Variants in RTKN2 observed in about 807,000 individuals in gnomAD.
RTKN2 encodes rhotekin-2.
RTKN2 carries 69 observed loss-of-function variants against 71.5 expected under a neutral mutation model. That is an observed-to-expected ratio of 0.96 (90% CI 0.79 to 1.18). The LOEUF is 1.18. Ranked by LOEUF, RTKN2 falls within the 50% of genes most tolerant of loss-of-function variation. The pLI, the probability that RTKN2 is intolerant of heterozygous loss-of-function variation, is 0.00. For missense variants in RTKN2, 724 were observed against 719.7 expected (o/e 1.01, Z -0.07); for synonymous variants, 236 against 236.5 (o/e 1.00, Z 0.02).
chr10:62,223,285 C>G lies in RTKN2; in HGVS notation c.734G>C (p.Ser245Thr), dbSNP rs899645857. ...ATGGGTCTTGAAACTATCCTCAGCA[C>G]TTTCCAAGGTTAGGGTAGTGTGAGC... Reference protein sequence around the residue: ...LLAHTTLTLESAEDSFKTHNL... With the variant: ...LLAHTTLTLETAEDSFKTHNL... The change falls in exon 7 of 12, where the codon AGT becomes ACT. Residue 245 changes from serine (S) to threonine (T), a missense_variant. Ser to Thr is a moderately conservative substitution (Grantham distance 58). Transcript: ENST00000373789. The G allele has an allele frequency of 2.5e-6, 4 of 1,611,002 alleles. No individual in the cohort carries two copies. The African/African-American group carries it at 4.0e-5, about 16-fold the overall frequency.
intron 1 of RTKN2, 126 bp downstream of exon 1, chr10:62,268,425 T>C: frequency 1.1e-6 from 1 of 944,904 alleles, no homozygotes; most frequent in East Asian, 2.6e-5. Flanking sequence ...CCTCCCTTTG[T>C]TTCTGGCCAC....
intron 9 of RTKN2, among the ~76,000 whole-genome samples, chr10:62,213,871 T>G (rs930164555): frequency 8.5e-5 from 13 of 152,202 alleles, no homozygotes; most frequent in African/African-American, 3.1e-4. Context: ...CAAAAATTAC[T>G]TTAAAAGGAA....
intron 4 of RTKN2, among the ~76,000 whole-genome samples, chr10:62,240,268 A>G (rs1286478698): frequency 6.6e-6 from 1 of 151,928 alleles, no homozygotes; most frequent in Non-Finnish European, 1.5e-5. Context: ...AAAAAAAACA[A>G]AACAATAAAA....
chr10:62,266,188 G>C (rs2133117722), intron 1 of RTKN2, among the ~76,000 whole-genome samples: 1 of 152,272 alleles, frequency 6.6e-6, no homozygotes, highest in South Asian at 2.1e-4. Context: ...GAATGAAATA[G>C]GAGCATACCT....
intron 9 of RTKN2, among the ~76,000 whole-genome samples, chr10:62,210,298 A>G (rs566939732): frequency 9.1e-4 from 139 of 152,308 alleles, no homozygotes; most frequent in African/African-American, 3.2e-3. Context: ...AAGTGTGACA[A>G]TTGGAATATT....
chr10:62,203,241 C>A (rs1261409625), intron 10 of RTKN2, among the ~76,000 whole-genome samples: 2 of 152,090 alleles, frequency 1.3e-5, no homozygotes, highest in Non-Finnish European at 2.9e-5. Context: ...AAGACGGATT[C>A]TCTAAGACAG....
chr10:62,194,767 C>A lies in RTKN2; in HGVS notation c.*3141G>T. On this transcript the variant is annotated 3_prime_UTR_variant, in exon 12 of 12. Transcript: ENST00000373789. ...ATACTTGACTGCTTAACCTACCTTA[C>A]GTGAGGTATCTCTAATTCAAGACAG... 3.0e-6 allele frequency: 3 copies of A among 985,252 alleles called. No individual in the cohort carries two copies. Among genetic ancestry groups the A allele is most frequent in the Non-Finnish European group, 3.6e-6 (3 of 829,810 alleles). The allele number at this position is 985,252 out of a possible 1,614,324, so 61.0% of individuals were successfully genotyped here.
intron 9 of RTKN2, chr10:62,215,160 A>T: frequency 1.0e-6 from 1 of 966,046 alleles, no homozygotes; most frequent in Non-Finnish European, 1.5e-6. Flanking sequence ...ATAAAATATA[A>T]GAAAAAAATT....
In RTKN2 at chr10:62,204,861, A is replaced by G; in HGVS notation, c.1182T>C (p.Asp394=). 6.4e-7 allele frequency: 1 copy of G among 1,567,598 alleles called. No individual in the cohort carries two copies. Among genetic ancestry groups the G allele is most frequent in the Non-Finnish European group, 8.6e-7 (1 of 1,163,962 alleles). ...WMEAFWQHFF[D]LSQWKHCCEE... ...AAAATCCAAATATCTATTTACTAAGATCAAAGAAATGCTGCCAGAAGGCTT... is the reference window on the plus strand; with the variant it reads ...AAAATCCAAATATCTATTTACTAAGGTCAAAGAAATGCTGCCAGAAGGCTT... The change falls in exon 10 of 12, where the codon GAT becomes GAC. Residue 394 remains aspartate, a synonymous_variant. Transcript: ENST00000373789.
intron 10 of RTKN2, among the ~76,000 whole-genome samples, chr10:62,203,229 A>G (rs1230242991): frequency 6.6e-6 from 1 of 152,238 alleles, no homozygotes; most frequent in Non-Finnish European, 1.5e-5. Context: ...ATAGTCATTT[A>G]TAAGACGGAT....
downstream of RTKN2, among the ~76,000 whole-genome samples, chr10:62,188,616 CCAAT>C (rs1437744808): frequency 1.3e-5 from 2 of 152,110 alleles, no homozygotes; most frequent in African/African-American, 2.4e-5. Flanking sequence ...TCCGCGGAGC[CCAAT>C]CAATCTTACG....
chr10:62,185,668 G>T (rs1448266834), intron 8 of RTKN2, among the ~76,000 whole-genome samples: 1 of 152,110 alleles, frequency 6.6e-6, no homozygotes, highest in Non-Finnish European at 1.5e-5. Context: ...TTCAAATCAT[G>T]GTGAGACATC....
chr10:62,242,184 ATACT>A (rs1842390181), intron 3 of RTKN2, among the ~76,000 whole-genome samples: 1 of 152,016 alleles, frequency 6.6e-6, no homozygotes, highest in Admixed American at 6.6e-5. Context: ...CCTTTATAAT[ATACT>A]TACTAATTTG....
intron 1 of RTKN2, among the ~76,000 whole-genome samples, chr10:62,263,712 AAG>A (rs1242055972): frequency 2.0e-5 from 3 of 152,228 alleles, no homozygotes; most frequent in African/African-American, 7.2e-5. Flanking sequence ...TCTCAGAAGC[AAG>A]AGAGTGAAAG....
At chr10:62,206,282 G>C (rs1841547589) in intron 9 of RTKN2, among the ~76,000 whole-genome samples, 1 of 152,124 alleles carries the variant, frequency 6.6e-6, no homozygotes, top group African/African-American at 2.4e-5. Flanking sequence ...AGTAATAAAG[G>C]CTGATTAAGA....
chr10:62,228,552 G>A (rs760246542), intron 6 of RTKN2, among the ~76,000 whole-genome samples: 2 of 152,124 alleles, frequency 1.3e-5, no homozygotes, highest in Non-Finnish European at 2.9e-5. Context: ...TTTCCATGAA[G>A]GATAGTTATG....
intron 1 of RTKN2, among the ~76,000 whole-genome samples, chr10:62,267,464 G>A (rs2133121573): frequency 6.6e-6 from 1 of 152,224 alleles, no homozygotes; most frequent in East Asian, 1.9e-4. Context: ...GACAGCCAAA[G>A]TACATAACAG....
chr10:62,267,245 C>A (rs551967504), intron 1 of RTKN2, among the ~76,000 whole-genome samples: 1 of 152,258 alleles, frequency 6.6e-6, no homozygotes, highest in African/African-American at 2.4e-5. Context: ...GTAAATAACC[C>A]AGGCTTTATG....
chr10:62,203,070 G>A (rs1333232366), intron 10 of RTKN2, among the ~76,000 whole-genome samples: 1 of 152,188 alleles, frequency 6.6e-6, no homozygotes, highest in Non-Finnish European at 1.5e-5. Context: ...TGAGGCAGGA[G>A]AATCACTTGA....
Sources: allele counts gnomAD v4.1 joint callset (sites outside exome capture counted in the v4.1 genomes callset), GRCh38; gene constraint gnomAD v4.1.1; transcripts MANE v1.5; gene names NCBI Gene and HGNC (gene_info 2026-07-23, HGNC 2026-07-21).